The following TXLNB variants were observed in gnomAD, a reference collection of about 807,000 sequenced individuals.
TXLNB encodes the protein beta-taxilin.
Under a neutral mutation model 57.4 loss-of-function variants are expected in TXLNB, and 37 were observed. That is an observed-to-expected ratio of 0.64 (90% CI 0.50 to 0.85). TXLNB has a LOEUF of 0.85. Among genes scored for constraint, TXLNB ranks in the 40% least tolerant of loss-of-function variants. The probability of loss-of-function intolerance (pLI) is 0.00; values close to 1 mark genes in which losing one functional copy is unlikely to be tolerated. For synonymous variants in TXLNB, 302 were observed against 309.6 expected, an observed-to-expected ratio of 0.98 and a Z score of 0.26; for missense variants, 848 against 825.6, an observed-to-expected ratio of 1.03 and a Z score of -0.33.
chr6:139,172,951 G>A, the TXLNB span, among the ~76,000 whole-genome samples: 6 of 152,280 alleles, frequency 3.9e-5, no homozygotes, highest in Admixed American at 2.0e-4. Context: ...TATGGTCATC[G>A]TTAGCAACAC....
the TXLNB span, among the ~76,000 whole-genome samples, chr6:139,315,817 A>G: frequency 6.6e-6 from 1 of 152,192 alleles, no homozygotes; most frequent in Non-Finnish European, 1.5e-5. Context: ...AAAAAATCAC[A>G]ATTACTTTCT....
At chr6:139,260,096 G>A (rs972358034) in intron 6 of TXLNB, among the ~76,000 whole-genome samples, 2 of 152,056 alleles carry the variant, frequency 1.3e-5, no homozygotes, top group African/African-American at 4.8e-5. Flanking sequence ...GTGGTAGTGG[G>A]CACCTGTAAT....
At chr6:139,312,322 G>T in the TXLNB span, among the ~76,000 whole-genome samples, 2 of 152,112 alleles carry the variant, frequency 1.3e-5, no homozygotes, top group African/African-American at 4.8e-5. Context: ...ATCTTAAGCT[G>T]TCTTAGGTGA....
At chr6:139,164,109 T>G in the TXLNB span, among the ~76,000 whole-genome samples, 5 of 146,522 alleles carry the variant, frequency 3.4e-5, no homozygotes, top group African/African-American at 1.0e-4. Flanking sequence ...CTGAGCATCT[T>G]CTCACACTGC....
chr6:139,299,444 T>A, the TXLNB span, among the ~76,000 whole-genome samples: 1 of 152,204 alleles, frequency 6.6e-6, no homozygotes, highest in East Asian at 1.9e-4. Flanking sequence ...AACTGAAATG[T>A]CAACTGTTAA....
At chr6:139,245,831 T>G (rs1776054173) in intron 8 of TXLNB, among the ~76,000 whole-genome samples, 2 of 152,130 alleles carry the variant, frequency 1.3e-5, no homozygotes, top group Admixed American at 1.3e-4. Context: ...TAGCTGGGAT[T>G]ACAGGCGCCT....
chr6:139,229,569 C>T, the TXLNB span, among the ~76,000 whole-genome samples: 9 of 152,232 alleles, frequency 5.9e-5, no homozygotes, highest in South Asian at 4.1e-4. Context: ...GTGATCTGCC[C>T]GCCTTGGCCT....
At chr6:139,229,344 T>G in the TXLNB span, among the ~76,000 whole-genome samples, 1 of 145,482 alleles carries the variant, frequency 6.9e-6, no homozygotes, top group Non-Finnish European at 1.5e-5. Context: ...ATTTTTGAGA[T>G]GGAGTTTCTC....
chr6:139,305,408 C>T, the TXLNB span, among the ~76,000 whole-genome samples: 3 of 152,068 alleles, frequency 2.0e-5, no homozygotes, highest in East Asian at 3.8e-4. Flanking sequence ...CCAGAAAAAT[C>T]GCTATGGATT....
chr6:139,198,288 G>A, the TXLNB span, among the ~76,000 whole-genome samples: 1 of 151,626 alleles, frequency 6.6e-6, no homozygotes, highest in East Asian at 1.9e-4. Flanking sequence ...TCTTGGGTAG[G>A]GCTGCTGGGG....
the TXLNB span, among the ~76,000 whole-genome samples, chr6:139,163,057 C>A: frequency 6.6e-6 from 1 of 152,188 alleles, no homozygotes; most frequent in Admixed American, 6.5e-5. Context: ...TGGAGCTGTT[C>A]TCCGTGAGGA....
chr6:139,196,753 G>A, the TXLNB span, among the ~76,000 whole-genome samples: 4 of 151,996 alleles, frequency 2.6e-5, no homozygotes, highest in Admixed American at 6.6e-5. Context: ...CAATTAAAAG[G>A]TAAATTAAAA....
At chr6:139,200,726 C>T in the TXLNB span, among the ~76,000 whole-genome samples, 1 of 152,070 alleles carries the variant, frequency 6.6e-6, no homozygotes, top group African/African-American at 2.4e-5. Flanking sequence ...TCCCTGTTAA[C>T]AAAGATTTAT....
the TXLNB span, among the ~76,000 whole-genome samples, chr6:139,187,750 C>A: frequency 4.0e-3 from 609 of 152,224 alleles, 2 homozygotes; most frequent in Middle Eastern, 0.014. Context: ...TGTGGCTTTA[C>A]AAAGCAATTT....
At chr6:139,280,036 C>T (rs754242103) in intron 2 of TXLNB, among the ~76,000 whole-genome samples, 7 of 151,934 alleles carry the variant, frequency 4.6e-5, no homozygotes, top group African/African-American at 1.5e-4. Flanking sequence ...GGGCAGATCA[C>T]GAGGTCAGGA....
chr6:139,292,281 T>C (rs1432544420), upstream of TXLNB: 1 of 152,246 alleles, frequency 6.6e-6, no homozygotes, highest in East Asian at 1.9e-4. This position sits in a 1 kb window ranked among gnomAD's most constrained non-coding sequence, Gnocchi z 4.0. Flanking sequence ...ATGTTTTGTT[T>C]GTCCTTTCGG....
At chr6:139,275,698 CAAAG>C (rs981166768) in intron 3 of TXLNB, among the ~76,000 whole-genome samples, 4 of 152,174 alleles carry the variant, frequency 2.6e-5, no homozygotes, top group African/African-American at 9.7e-5. Flanking sequence ...GAGTGAAAAA[CAAAG>C]AAAACAAGTC....
the TXLNB span, among the ~76,000 whole-genome samples, chr6:139,194,231 G>A: frequency 1.3e-5 from 2 of 152,284 alleles, no homozygotes; most frequent in East Asian, 1.9e-4. Flanking sequence ...GTGAGCCACC[G>A]CACCTAGCCC....
chr6:139,254,541 G>A (rs1345228173), intron 7 of TXLNB, among the ~76,000 whole-genome samples: 1 of 152,166 alleles, frequency 6.6e-6, no homozygotes, highest in Non-Finnish European at 1.5e-5. Context: ...GGAACCCACA[G>A]GGACCATTAT....
Sources: allele counts gnomAD v4.1 joint callset (sites outside exome capture counted in the v4.1 genomes callset), GRCh38; gene constraint gnomAD v4.1.1; non-coding constraint Gnocchi (gnomAD v3.1); transcripts MANE v1.5; gene names NCBI Gene and HGNC (gene_info 2026-07-23, HGNC 2026-07-21).